Variants in PTPRM observed in about 807,000 individuals in gnomAD.
The protein encoded by PTPRM is receptor-type tyrosine-protein phosphatase mu.
PTPRM carries 47 observed loss-of-function variants against 186.7 expected under a neutral mutation model. The observed-to-expected ratio is 0.25, with a 90% CI of 0.20 to 0.32. The LOEUF is 0.32. Ranked by LOEUF, PTPRM falls within the 10% of genes least tolerant of loss-of-function variation. The pLI is 1.00. For synonymous variants in PTPRM, 668 were observed against 674.9 expected, an observed-to-expected ratio of 0.99 and a Z score of 0.16; for missense variants, 1,494 against 1,865.0, an observed-to-expected ratio of 0.80 and a Z score of 3.66.
At chr18:7,828,701 A>G (rs1271546918) in intron 2 of PTPRM, among the ~76,000 whole-genome samples, 1 of 152,200 alleles carries the variant, frequency 6.6e-6, no homozygotes, top group Non-Finnish European at 1.5e-5. Context: ...GGAAAGAACT[A>G]CAGTGAAAGA....
chr18:7,656,685 A>G (rs1568009499), intron 1 of PTPRM, among the ~76,000 whole-genome samples: 1 of 152,156 alleles, frequency 6.6e-6, no homozygotes, highest in African/African-American at 2.4e-5. Flanking sequence ...CTTCTGTATG[A>G]TGTTGTGATG....
intron 3 of PTPRM, 150 bp downstream of exon 3, chr18:7,888,527 T>C: frequency 1.1e-6 from 1 of 934,862 alleles, no homozygotes; most frequent in Non-Finnish European, 1.5e-6. Context: ...ATACTGTTGG[T>C]GGGATTGTAA....
intron 2 of PTPRM, among the ~76,000 whole-genome samples, chr18:7,858,738 T>C (rs1372582105): frequency 6.6e-6 from 1 of 152,244 alleles, no homozygotes; most frequent in Admixed American, 6.5e-5. Context: ...GCTATCATAA[T>C]GGAGACTCAC....
intron 32 of PTPRM, among the ~76,000 whole-genome samples, chr18:8,401,750 C>G (rs917855078): frequency 3.3e-5 from 5 of 152,256 alleles, no homozygotes; most frequent in Non-Finnish European, 7.3e-5. Context: ...GGTGTGCTGG[C>G]CTCGTGACGC....
intron 13 of PTPRM, among the ~76,000 whole-genome samples, chr18:8,126,327 T>C (rs991547942): frequency 2.6e-5 from 4 of 151,776 alleles, no homozygotes; most frequent in Non-Finnish European, 4.4e-5. Flanking sequence ...TATGTTACTT[T>C]ATGCAAGATT....
chr18:8,053,689 C>T (rs980037984), intron 7 of PTPRM, among the ~76,000 whole-genome samples: 7 of 152,142 alleles, frequency 4.6e-5, no homozygotes, highest in Non-Finnish European at 8.8e-5. Context: ...CCTTAAAACT[C>T]TAATTAGGTT....
rs368114576 is a variant in PTPRM, at chr18:8,275,932, A to G, written c.2755-20436A>G. ...AAGCCCTGAGTGTTTATGACCCCTC[A>G]TTAGTGAGCTCCATCCTACCTCTCT... On this transcript the variant is annotated intron_variant, in intron 19 of 32. Transcript: ENST00000580170. 1.6e-4 allele frequency among the ~76,000 whole-genome samples: 24 copies of G among 152,256 alleles called. No homozygotes were observed. In the South Asian group the frequency reaches 4.8e-3, roughly 30 times the overall value.
chr18:8,032,108 C>T (rs1315896698), intron 7 of PTPRM, among the ~76,000 whole-genome samples: 3 of 152,088 alleles, frequency 2.0e-5, no homozygotes, highest in African/African-American at 7.2e-5. Context: ...CACTGAAAAT[C>T]AATTAAAACT....
chr18:8,081,956 G>T (rs2090151495), intron 9 of PTPRM, among the ~76,000 whole-genome samples: 1 of 152,074 alleles, frequency 6.6e-6, no homozygotes, highest in African/African-American at 2.4e-5. Context: ...GAACCCCAGT[G>T]TTATTTTGCA....
intron 4 of PTPRM, among the ~76,000 whole-genome samples, chr18:7,925,756 A>G (rs1323668199): frequency 1.3e-5 from 2 of 152,126 alleles, no homozygotes; most frequent in African/African-American, 2.4e-5. Flanking sequence ...ATAATAAGGA[A>G]ATGTTTTCCT....
intron 8 of PTPRM, among the ~76,000 whole-genome samples, chr18:8,074,743 T>A (rs2089701003): frequency 1.3e-5 from 2 of 152,210 alleles, no homozygotes; most frequent in Admixed American, 6.5e-5. Context: ...CATTTCTAAT[T>A]GTACTATTTG....
At chr18:7,651,401 T>C (rs1334810371) in intron 1 of PTPRM, among the ~76,000 whole-genome samples, 1 of 151,908 alleles carries the variant, frequency 6.6e-6, no homozygotes, top group Admixed American at 6.6e-5. Flanking sequence ...TCATAAAACA[T>C]AAAAAGGGTT....
chr18:7,644,162 C>G (rs556631400), intron 1 of PTPRM, among the ~76,000 whole-genome samples: 4 of 152,190 alleles, frequency 2.6e-5, no homozygotes, highest in East Asian at 3.9e-4. Flanking sequence ...TTTCTACTTA[C>G]AAAAGGTGCT....
At chr18:7,652,644 A>G (rs1376794870) in intron 1 of PTPRM, among the ~76,000 whole-genome samples, 1 of 151,226 alleles carries the variant, frequency 6.6e-6, no homozygotes, top group African/African-American at 2.4e-5. Context: ...TCAGTAAACT[A>G]TCGCAAGAAC....
At chr18:7,802,246 C>T (rs561039116) in intron 2 of PTPRM, among the ~76,000 whole-genome samples, 3 of 152,320 alleles carry the variant, frequency 2.0e-5, no homozygotes, top group Admixed American at 2.0e-4. Flanking sequence ...GGTCCCGCTG[C>T]TGCCTCCTGT....
chr18:7,878,549 C>G (rs1398813676), intron 2 of PTPRM, among the ~76,000 whole-genome samples: 3 of 152,176 alleles, frequency 2.0e-5, no homozygotes, highest in East Asian at 1.9e-4. Flanking sequence ...GATGATTTAG[C>G]AAGCTTCTTC....
In PTPRM at chr18:8,323,890, G is replaced by GT. The variant is rs1568747595; in HGVS notation, c.2956+4679dup. Among the ~76,000 whole-genome samples, 5 of 152,114 alleles carry GT rather than the reference G, an allele frequency of 3.3e-5. No homozygotes were observed. The South Asian group carries it at 1.0e-3, about 32-fold the overall frequency. ...TCAAAACTAATGAAATATCAAGATC[G>GT]TTTCCCCAGAAAGAAAATTTCATTT... On this transcript the variant is annotated intron_variant, in intron 22 of 32. Transcript: ENST00000580170.
intron 29 of PTPRM, among the ~76,000 whole-genome samples, chr18:8,381,531 T>G (rs1164843851): frequency 6.6e-6 from 1 of 152,194 alleles, no homozygotes; most frequent in East Asian, 1.9e-4. Context: ...TGCATTATAT[T>G]GTCAAAGCTC....
chr18:8,172,540 A>C (rs1228674453), intron 14 of PTPRM, among the ~76,000 whole-genome samples: 4 of 152,092 alleles, frequency 2.6e-5, no homozygotes, highest in Non-Finnish European at 5.9e-5. Flanking sequence ...TTGAATCAGA[A>C]TGCAGGATGG....
Sources: gnomAD v4.1 joint callset for allele counts (sites outside exome capture counted in the v4.1 genomes callset) on GRCh38, gnomAD v4.1.1 for gene constraint, MANE v1.5 for transcripts, NCBI Gene and HGNC (gene_info 2026-07-23, HGNC 2026-07-21) for gene names.